FILIP1L: variants seen among roughly 807,000 people sequenced by gnomAD.
FILIP1L encodes filamin A-interacting protein 1-like.
Under a neutral mutation model 96.6 loss-of-function variants are expected in FILIP1L, and 55 were observed. That is an observed-to-expected ratio of 0.57 (90% CI 0.46 to 0.71). The LOEUF is 0.71. FILIP1L is among the 30% of genes least tolerant of loss of function. FILIP1L has a pLI of 0.00. For missense variants in FILIP1L, 1,304 were observed against 1,321.2 expected, an observed-to-expected ratio of 0.99 and a Z score of 0.20; for synonymous variants, 467 against 473.9, an observed-to-expected ratio of 0.99 and a Z score of 0.19.
chr3:100,023,271 T>C (rs1262732156), intron 1 of FILIP1L: 2 of 152,560 alleles, frequency 1.3e-5, no homozygotes, highest in Admixed American at 6.6e-5. Flanking sequence ...TGTTTTTCCA[T>C]AGTGCTTGTC....
chr3:99,837,786 AGT>A (rs1190458123), intron 5 of FILIP1L, among the ~76,000 whole-genome samples: 2 of 152,224 alleles, frequency 1.3e-5, no homozygotes, highest in African/African-American at 2.4e-5. Context: ...CCAGATTTAG[AGT>A]GTACCATCTG....
At chr3:99,913,902 C>G (rs1706872137) in intron 4 of FILIP1L, among the ~76,000 whole-genome samples, 1 of 151,970 alleles carries the variant, frequency 6.6e-6, no homozygotes, top group Non-Finnish European at 1.5e-5. Flanking sequence ...TCAGGCATCT[C>G]GGATATTTCA....
intron 5 of FILIP1L, among the ~76,000 whole-genome samples, chr3:99,845,716 G>GA (rs568613474): frequency 1.8e-4 from 27 of 152,166 alleles, no homozygotes; most frequent in South Asian, 1.2e-3. Flanking sequence ...TAATTCTATA[G>GA]AAAAAAAGAT....
At chr3:99,872,269 C>CTCTG (rs1457646701) in intron 4 of FILIP1L, among the ~76,000 whole-genome samples, 3 of 110,740 alleles carry the variant, frequency 2.7e-5, no homozygotes, top group Admixed American at 2.7e-4. Context: ...TGTGCCAGGA[C>CTCTG]TGTGTGTGTG....
Position 99,849,226 on chromosome 3 carries a change from G to A in FILIP1L, c.2450C>T (p.Pro817Leu), listed in dbSNP as rs1943530879. 2 of 1,614,142 alleles carry A rather than the reference G, an allele frequency of 1.2e-6. No individual in the cohort carries two copies. Among genetic ancestry groups the A allele is most frequent in the Non-Finnish European group, 8.5e-7 (1 of 1,180,010 alleles). ...NEPPDYKSLI[P>L]LERAVINGQL... ...ACCATTGATGACTGCACGTTCCAGA[G>A]GAATGAGGCTCTTGTAATCAGGTGG... is the stretch of plus-strand genomic sequence containing the variant. Residue 817 changes from proline (P) to leucine (L), a missense_variant, in exon 5 of 6, where the codon CCT becomes CTT. Pro to Leu is a moderately conservative substitution (Grantham distance 98). Transcript: ENST00000477258.
At chr3:100,076,636 C>G (rs1576026792) in intron 1 of FILIP1L, among the ~76,000 whole-genome samples, 1 of 152,312 alleles carries the variant, frequency 6.6e-6, no homozygotes, top group East Asian at 1.9e-4. Flanking sequence ...TTTTGCCAGA[C>G]TGAACTCACT....
chr3:100,064,327 G>C (rs1487813311), intron 1 of FILIP1L, among the ~76,000 whole-genome samples: 1 of 151,758 alleles, frequency 6.6e-6, no homozygotes, highest in Non-Finnish European at 1.5e-5. Flanking sequence ...TATCCTAAAG[G>C]ACCAATTTGC....
rs1353759378 is a variant in FILIP1L at position 100,114,059 on chromosome 3, G to A, written c.-17C>T. The A allele has an allele frequency of 1.3e-5, 2 of 151,982 alleles. No homozygotes were observed. The highest frequency in any genetic ancestry group is 3.9e-4 in the East Asian group (2 of 5,184). 9.4% of individuals were successfully genotyped at this position (151,982 alleles called of 1,614,324 possible). On this transcript the variant is annotated 5_prime_UTR_variant, in exon 1 of 6. Transcript: ENST00000477258. ...ATGGGGACACTTAGCTTACCGTGCA[G>A]GTACCGTGCAGGTGTTGATCACACC...
intron 1 of FILIP1L, among the ~76,000 whole-genome samples, chr3:100,098,292 G>A (rs768341262): frequency 6.6e-6 from 1 of 152,160 alleles, no homozygotes; most frequent in Non-Finnish European, 1.5e-5. Context: ...AAAGAAACAA[G>A]CACTGTGTTT....
rs1464745181 is a variant in FILIP1L, at chr3:99,914,603, CTCT to C, written c.605+9624_605+9626del. Among the ~76,000 whole-genome samples, 5 of 152,250 alleles carry C rather than the reference CTCT, an allele frequency of 3.3e-5. No individual in the cohort carries two copies. In the South Asian group the frequency reaches 1.0e-3, roughly 32 times the overall value. ...AAAGTTATAAAGTAAGAAATTGGTT[CTCT>C]TCTTCATTGTTAGTAATGGTATAAA... On this transcript the variant is annotated intron_variant, in intron 4 of 5. Coordinates refer to ENST00000477258, the MANE Select transcript of FILIP1L (RefSeq NM_001387850.1).
rs747471636 is a variant in FILIP1L, at chr3:99,849,142, A to G, written c.2534T>C (p.Leu845Pro). 1 of 1,614,076 alleles carries G rather than the reference A, an allele frequency of 6.2e-7. No homozygotes were observed. The highest frequency in any genetic ancestry group is 1.1e-5 in the South Asian group (1 of 91,082). ...AGTAGACTGGCTGCATTTGAAGGAC[A>G]GCACAGATCCCTCATCATTAGGGTC... ...DEDPNDEGSV[L>P]SFKCSQSTPC... The change falls in exon 5 of 6, where the codon CTG (leucine) becomes CCG (proline). Residue 845 changes from leucine to proline, a missense_variant. Physicochemically the swap from Leu to Pro is moderately conservative, Grantham distance 98. Coordinates refer to ENST00000477258, the MANE Select transcript of FILIP1L (RefSeq NM_001387850.1).
In FILIP1L at chr3:99,885,257, T is replaced by C. The variant is rs534486018; in HGVS notation, c.606-34187A>G. On this transcript the variant is annotated intron_variant, in intron 4 of 5. Transcript: ENST00000477258. ...CAAAGAGACTCTTTCAGCCTACTTA[T>C]TTGTATTGGATGCTTGTAGGGCTAT... Among the ~76,000 whole-genome samples, 5 of 152,334 alleles carry C rather than the reference T, an allele frequency of 3.3e-5. No homozygotes were observed. In the East Asian group the frequency reaches 7.7e-4, roughly 23 times the overall value.
Position 99,850,098 on chromosome 3 carries a change from T to C in FILIP1L, c.1578A>G (p.Gln526=), listed in dbSNP as rs1386904945. Residue 526 remains glutamine, a synonymous_variant, in exon 5 of 6, where the codon CAA becomes CAG. Coordinates refer to ENST00000477258, the MANE Select transcript of FILIP1L (RefSeq NM_001387850.1). Reference sequence around the variant, plus strand: ...CTGTTGTTACTTTATTTTGCTCCACTTGAAGCTGAGAAGAAGCAGCTTGTA... The same window carrying C: ...CTGTTGTTACTTTATTTTGCTCCACCTGAAGCTGAGAAGAAGCAGCTTGTA... ...DKLQAASSQL[Q]VEQNKVTTVT... The C allele has an allele frequency of 1.2e-6, 2 of 1,613,188 alleles. No homozygotes were observed. Among genetic ancestry groups the C allele is most frequent in the African/African-American group, 1.3e-5 (1 of 74,860 alleles).
At chr3:99,848,142 T>C (rs968121017) in intron 5 of FILIP1L, 153 bp downstream of exon 5, 2 of 1,506,404 alleles carry the variant, frequency 1.3e-6, no homozygotes, top group Admixed American at 2.3e-5. Flanking sequence ...TTTCAGATAC[T>C]CTTGTATAGT....
At chr3:100,027,148 C>G (rs1245875618) in intron 1 of FILIP1L, among the ~76,000 whole-genome samples, 1 of 152,168 alleles carries the variant, frequency 6.6e-6, no homozygotes, top group Admixed American at 6.6e-5. Flanking sequence ...TACACACATC[C>G]TTCCTCTCCA....
intron 1 of FILIP1L, chr3:100,051,122 A>G (rs375915757): frequency 3.9e-5 from 6 of 152,098 alleles, no homozygotes; most frequent in East Asian, 1.9e-4. Context: ...TTATAAAGAC[A>G]GTTGTTAAGA....
intron 4 of FILIP1L, among the ~76,000 whole-genome samples, chr3:99,854,636 C>T (rs1037140609): frequency 7.9e-5 from 12 of 151,632 alleles, no homozygotes. Flanking sequence ...TTAGCAGCAT[C>T]CCTTTGTTGT....
In FILIP1L at chr3:100,060,130, G is replaced by T. The variant is rs74824497; in HGVS notation, c.-11+53923C>A. Reference sequence around the variant, plus strand: ...GTAAAGGGATTTGAGGAAACTGGAGGTGTGTGTCACATGGTGGGTGGGCTA... The same window carrying T: ...GTAAAGGGATTTGAGGAAACTGGAGTTGTGTGTCACATGGTGGGTGGGCTA... On this transcript the variant is annotated intron_variant, in intron 1 of 5. Coordinates refer to ENST00000477258, the MANE Select transcript of FILIP1L (RefSeq NM_001387850.1). Among the ~76,000 whole-genome samples, 489 of 152,240 alleles carry T rather than the reference G, an allele frequency of 3.2e-3. 5 individuals are homozygous for T. The highest frequency in any genetic ancestry group is 0.011 in the African/African-American group (467 of 41,514).
chr3:100,074,393 T>C (rs1419041600), intron 1 of FILIP1L, among the ~76,000 whole-genome samples: 1 of 152,204 alleles, frequency 6.6e-6, no homozygotes, highest in Admixed American at 6.5e-5. Flanking sequence ...TTGTATTAAC[T>C]TGTTCTTTGA....
Sources: gnomAD v4.1 joint callset for allele counts (sites outside exome capture counted in the v4.1 genomes callset) on GRCh38, gnomAD v4.1.1 for gene constraint, MANE v1.5 for transcripts, NCBI Gene and HGNC (gene_info 2026-07-23, HGNC 2026-07-21) for gene names.